GRIP1: variants seen among roughly 807,000 people sequenced by gnomAD.
The protein encoded by GRIP1 is glutamate receptor interacting protein 1.
GRIP1 carries 45 observed loss-of-function variants against 129.9 expected under a neutral mutation model. The ratio of observed to expected loss-of-function variants is 0.35; its 90% CI spans 0.27 to 0.44. GRIP1 has a LOEUF of 0.44. Ranked by LOEUF, GRIP1 falls within the 20% of genes least tolerant of loss-of-function variation. GRIP1 has a pLI of 1.00. For missense variants in GRIP1, 1,196 were observed against 1,396.8 expected, an observed-to-expected ratio of 0.86 and a Z score of 2.29; for synonymous variants, 530 against 520.8, an observed-to-expected ratio of 1.02 and a Z score of -0.24.
intron 1 of GRIP1, among the ~76,000 whole-genome samples, chr12:66,980,310 C>T (rs561020274): frequency 1.3e-5 from 2 of 152,300 alleles, no homozygotes; most frequent in Non-Finnish European, 1.5e-5. Context: ...ACCAGATGCT[C>T]TTTTAAGAAT....
At chr12:66,612,860 C>T (rs1222218137) in intron 1 of GRIP1, among the ~76,000 whole-genome samples, 1 of 151,940 alleles carries the variant, frequency 6.6e-6, no homozygotes, top group Non-Finnish European at 1.5e-5. Flanking sequence ...ATCGATCAAA[C>T]AAAATTTTGT....
At chr12:66,426,748 C>A (rs564879436) in intron 14 of GRIP1, among the ~76,000 whole-genome samples, 2 of 152,126 alleles carry the variant, frequency 1.3e-5, no homozygotes, top group Non-Finnish European at 2.9e-5. Flanking sequence ...TAAGTTGAGG[C>A]CAGGCTGTTT....
chr12:66,778,780 C>T (rs1004750710), intron 1 of GRIP1, among the ~76,000 whole-genome samples: 16 of 152,058 alleles, frequency 1.1e-4, no homozygotes, highest in South Asian at 2.1e-4. Flanking sequence ...CTGATATATT[C>T]GATACGTGCA....
chr12:66,696,637 AAAAC>A (rs1271561349), intron 1 of GRIP1, among the ~76,000 whole-genome samples: 6 of 151,540 alleles, frequency 4.0e-5, no homozygotes, highest in South Asian at 4.2e-4. Context: ...CAAAAAACAA[AAAAC>A]AAACAAACAA....
intron 1 of GRIP1, among the ~76,000 whole-genome samples, chr12:66,621,227 C>G (rs904385505): frequency 6.6e-6 from 1 of 152,032 alleles, no homozygotes. Flanking sequence ...TTTATCATCC[C>G]AAACTGAAAC....
intron 15 of GRIP1, among the ~76,000 whole-genome samples, chr12:66,408,505 A>C (rs1212890234): frequency 6.6e-6 from 1 of 152,114 alleles, no homozygotes; most frequent in Non-Finnish European, 1.5e-5. Context: ...AATATAATAA[A>C]AAAATAAAAT....
At chr12:67,056,030 G>A (rs2043429487) in intron 1 of GRIP1, among the ~76,000 whole-genome samples, 1 of 152,090 alleles carries the variant, frequency 6.6e-6, no homozygotes, top group Admixed American at 6.6e-5. Context: ...TAATGGAAGG[G>A]GCTGAGGATA....
intron 1 of GRIP1, among the ~76,000 whole-genome samples, chr12:66,598,978 GTACC>G (rs200104351): frequency 0.046 from 7,008 of 152,252 alleles, 184 homozygotes; most frequent in African/African-American, 0.063. Flanking sequence ...CTTTAGAAAT[GTACC>G]CAGTTTGCAT....
intron 1 of GRIP1, among the ~76,000 whole-genome samples, chr12:66,730,873 C>T (rs748328230): frequency 6.6e-6 from 1 of 152,042 alleles, no homozygotes; most frequent in Non-Finnish European, 1.5e-5. Flanking sequence ...TTTGGCTGCC[C>T]TGTCACTTTA....
intron 1 of GRIP1, among the ~76,000 whole-genome samples, chr12:67,056,094 G>A (rs929260483): frequency 2.6e-5 from 4 of 152,066 alleles, no homozygotes; most frequent in Admixed American, 2.6e-4. Context: ...AGTAGAAGGG[G>A]GGATAAGGGA....
chr12:66,394,673 C>T (rs1469886819), intron 16 of GRIP1, among the ~76,000 whole-genome samples: 1 of 152,104 alleles, frequency 6.6e-6, no homozygotes, highest in African/African-American at 2.4e-5. Context: ...AGTAAGTATG[C>T]AGTAAATATC....
chr12:66,440,892 T>C (rs2058453523), intron 13 of GRIP1, among the ~76,000 whole-genome samples: 1 of 152,170 alleles, frequency 6.6e-6, no homozygotes, highest in African/African-American at 2.4e-5. Flanking sequence ...AAGGATATAA[T>C]ACAATATAAA....
In GRIP1 at chr12:66,662,629, G is replaced by C. The variant is rs141296705; in HGVS notation, c.55+16221C>G. ...ACAAGCCCGTCCCTTCCTAGGATTT[G>C]GTAAGAACTACTTTAAAAAATTTCT... On this transcript the variant is annotated intron_variant, in intron 1 of 24. Transcript: ENST00000359742. Among the ~76,000 whole-genome samples, 752 of 152,066 alleles carry C rather than the reference G, an allele frequency of 4.9e-3. 8 individuals carry two copies. Among genetic ancestry groups the C allele is most frequent in the African/African-American group, 0.017 (719 of 41,486 alleles).
In GRIP1 at chr12:66,596,837, C is replaced by G; in HGVS notation, c.136+10G>C. 5.1e-6 allele frequency: 8 copies of G among 1,582,904 alleles called. No individual in the cohort carries two copies. The highest frequency in any genetic ancestry group is 6.1e-6 in the Non-Finnish European group (7 of 1,151,504). On this transcript the variant is annotated intron_variant, in intron 2 of 24. Transcript: ENST00000359742. ...TAAAACAGCTGAAAAATCCAACAGT[C>G]TGGTCTAACCTGGGATGCTCTGTCT...
At chr12:66,728,637 A>G (rs2036331084) in intron 1 of GRIP1, among the ~76,000 whole-genome samples, 1 of 152,182 alleles carries the variant, frequency 6.6e-6, no homozygotes, top group South Asian at 2.1e-4. Flanking sequence ...GAATTATTTT[A>G]TCAAAGAAGG....
At chr12:66,553,073 C>A (rs529783803) in intron 2 of GRIP1, among the ~76,000 whole-genome samples, 1 of 152,236 alleles carries the variant, frequency 6.6e-6, no homozygotes, top group East Asian at 1.9e-4. Context: ...CTCTCCTGGC[C>A]CCTCTCCTGG....
intron 1 of GRIP1, among the ~76,000 whole-genome samples, chr12:66,858,512 T>C (rs1198197445): frequency 6.6e-6 from 1 of 151,866 alleles, no homozygotes; most frequent in Admixed American, 6.6e-5. Context: ...ACTAAAACTC[T>C]CCCCCAGATG....
intron 1 of GRIP1, among the ~76,000 whole-genome samples, chr12:66,733,410 G>C (rs2036500200): frequency 6.6e-6 from 1 of 152,248 alleles, no homozygotes; most frequent in Admixed American, 6.5e-5. Flanking sequence ...GTTTCTGGAT[G>C]GGACTTCTGA....
At chr12:66,591,381 G>A (rs1426052180) in intron 2 of GRIP1, among the ~76,000 whole-genome samples, 1 of 152,066 alleles carries the variant, frequency 6.6e-6, no homozygotes, top group Non-Finnish European at 1.5e-5. Flanking sequence ...GAGTACACCC[G>A]GCCCTTAGTT....
Sources: gnomAD v4.1 joint callset for allele counts (sites outside exome capture counted in the v4.1 genomes callset) on GRCh38, gnomAD v4.1.1 for gene constraint, MANE v1.5 for transcripts, NCBI Gene and HGNC (gene_info 2026-07-23, HGNC 2026-07-21) for gene names.